CCDC152: variants seen among roughly 807,000 people sequenced by gnomAD.
CCDC152 encodes the protein coiled-coil domain containing 152.
A neutral mutation model predicts 38.1 loss-of-function variants in CCDC152; 37 were observed. That is an observed-to-expected ratio of 0.97 (90% confidence interval 0.75 to 1.28). CCDC152 has a LOEUF of 1.28. Ranked by LOEUF, CCDC152 falls within the 50% of genes most tolerant of loss-of-function variation. The probability of loss-of-function intolerance (pLI) is 0.00; values close to 1 mark genes in which losing one functional copy is unlikely to be tolerated. For synonymous variants in CCDC152, 83 were observed against 87.1 expected, an observed-to-expected ratio of 0.95 and a Z score of 0.26; for missense variants, 259 against 292.1, an observed-to-expected ratio of 0.89 and a Z score of 0.83.
chr5:42,764,727 C>T (rs1759603040), intron 3 of CCDC152, among the ~76,000 whole-genome samples: 2 of 152,116 alleles, frequency 1.3e-5, no homozygotes, highest in Admixed American at 6.5e-5. Flanking sequence ...TTCAACATTC[C>T]TTCATGATAA....
chr5:42,780,391 A>G (rs921298672), intron 5 of CCDC152, among the ~76,000 whole-genome samples: 1 of 152,164 alleles, frequency 6.6e-6, no homozygotes, highest in African/African-American at 2.4e-5. Flanking sequence ...TATTTCTGAA[A>G]TGAATCCTAC....
At chr5:42,759,258 A>G (rs781646954) in intron 2 of CCDC152, 50 bp downstream of exon 2, 14 of 1,193,878 alleles carry the variant, frequency 1.2e-5, no homozygotes, top group Middle Eastern at 2.6e-4. Context: ...CATGGAACAG[A>G]TTTTGCCAAG....
intron 4 of CCDC152, among the ~76,000 whole-genome samples, chr5:42,771,590 A>C (rs937488439): frequency 3.3e-5 from 5 of 152,114 alleles, no homozygotes; most frequent in Admixed American, 2.0e-4. Context: ...AAGACGATAC[A>C]ACTGAAATCC....
At chr5:42,778,522 G>A (rs1168567134) in intron 4 of CCDC152, among the ~76,000 whole-genome samples, 1 of 152,034 alleles carries the variant, frequency 6.6e-6, no homozygotes, top group Non-Finnish European at 1.5e-5. Flanking sequence ...TAACCACAGG[G>A]TTTTTAAAAT....
At chr5:42,769,839 A>G (rs1273666329) in intron 4 of CCDC152, among the ~76,000 whole-genome samples, 174 bp downstream of exon 4, 1 of 152,226 alleles carries the variant, frequency 6.6e-6, no homozygotes, top group African/African-American at 2.4e-5. Flanking sequence ...GTTATCCTGA[A>G]CAGAACAATT....
At chr5:42,772,255 CATAG>C (rs1227912948) in intron 4 of CCDC152, among the ~76,000 whole-genome samples, 3 of 152,074 alleles carry the variant, frequency 2.0e-5, no homozygotes, top group African/African-American at 7.2e-5. Flanking sequence ...ATGAAATAGG[CATAG>C]ATAGAGAAGA....
chr5:42,766,423 CAGAAGAA>C (rs1480037541), intron 3 of CCDC152, among the ~76,000 whole-genome samples: 1 of 152,118 alleles, frequency 6.6e-6, no homozygotes, highest in Non-Finnish European at 1.5e-5. Context: ...GGTATATACA[CAGAAGAA>C]AGGAAATCAG....
At chr5:42,786,760 G>C (rs1225531604) in intron 6 of CCDC152, among the ~76,000 whole-genome samples, 1 of 151,870 alleles carries the variant, frequency 6.6e-6, no homozygotes, top group African/African-American at 2.4e-5. Flanking sequence ...TGTTACATCT[G>C]TCTTCCTCAG....
intron 6 of CCDC152, among the ~76,000 whole-genome samples, chr5:42,791,820 T>C (rs1053980957): frequency 2.0e-5 from 3 of 152,212 alleles, no homozygotes; most frequent in African/African-American, 7.2e-5. Flanking sequence ...TTACTTTCTA[T>C]CTTCTTTGAT....
At chr5:42,768,165 G>A (rs1759650357) in intron 3 of CCDC152, among the ~76,000 whole-genome samples, 1 of 152,142 alleles carries the variant, frequency 6.6e-6, no homozygotes, top group Admixed American at 6.5e-5. Flanking sequence ...CTAATTAAAA[G>A]GTGAAAAGTT....
chr5:42,787,059 A>G (rs1241525947), intron 6 of CCDC152, among the ~76,000 whole-genome samples: 5 of 152,010 alleles, frequency 3.3e-5, no homozygotes, highest in Non-Finnish European at 5.9e-5. Flanking sequence ...TTGTTTTATG[A>G]TCAGGCATAT....
intron 3 of CCDC152, among the ~76,000 whole-genome samples, chr5:42,763,803 T>G (rs1033794467): frequency 2.0e-5 from 3 of 152,148 alleles, no homozygotes; most frequent in African/African-American, 7.2e-5. Flanking sequence ...CCCTAAAAAG[T>G]AAAGTTTATT....
intron 4 of CCDC152, among the ~76,000 whole-genome samples, chr5:42,775,913 TAA>T (rs34618464): frequency 1.9e-5 from 2 of 105,386 alleles, no homozygotes; most frequent in Non-Finnish European, 4.1e-5. Context: ...GGACAATCAC[TAA>T]AAAAAAAAAA....
intron 1 of CCDC152, among the ~76,000 whole-genome samples, chr5:42,757,191 T>C (rs1759491526): frequency 6.6e-6 from 1 of 152,194 alleles, no homozygotes. Context: ...TCGGCCCCCA[T>C]CCTTTATTTC....
intron 4 of CCDC152, among the ~76,000 whole-genome samples, chr5:42,776,653 C>A (rs572959393): frequency 2.0e-5 from 3 of 152,192 alleles, no homozygotes; most frequent in East Asian, 3.9e-4. Context: ...CAAGATAGAT[C>A]CCATTGTGGT....
intron 4 of CCDC152, among the ~76,000 whole-genome samples, chr5:42,770,926 T>A (rs923171755): frequency 6.6e-6 from 1 of 152,186 alleles, no homozygotes; most frequent in Non-Finnish European, 1.5e-5. Flanking sequence ...TTTCCAGATA[T>A]TTTGTAATTT....
intron 6 of CCDC152, among the ~76,000 whole-genome samples, chr5:42,793,916 G>A (rs1229353639): frequency 6.6e-6 from 1 of 152,124 alleles, no homozygotes; most frequent in Non-Finnish European, 1.5e-5. Flanking sequence ...GCTGGACTTG[G>A]GGAATTTTTA....
intron 7 of CCDC152, among the ~76,000 whole-genome samples, chr5:42,798,182 A>C (rs964756949): frequency 1.3e-5 from 2 of 152,196 alleles, no homozygotes; most frequent in East Asian, 1.9e-4. Flanking sequence ...TAGTTCATTT[A>C]ACCGGATATC....
At chr5:42,767,801 T>C (rs1285245940) in intron 3 of CCDC152, among the ~76,000 whole-genome samples, 1 of 152,228 alleles carries the variant, frequency 6.6e-6, no homozygotes, top group African/African-American at 2.4e-5. Context: ...CTATATTCTA[T>C]GAATCACTGG....
Sources: allele counts gnomAD v4.1 joint callset (sites outside exome capture counted in the v4.1 genomes callset), GRCh38; gene constraint gnomAD v4.1.1; transcripts MANE v1.5; gene names NCBI Gene and HGNC (gene_info 2026-07-23, HGNC 2026-07-21).